RGSL1: variants seen among roughly 807,000 people sequenced by gnomAD.
RGSL1 encodes the protein regulator of G protein signaling protein-like.
Under a neutral mutation model 124.7 loss-of-function variants are expected in RGSL1, and 97 were observed. The observed-to-expected ratio is 0.78, with a 90% CI of 0.66 to 0.92. The LOEUF is 0.92. Ranked by LOEUF, RGSL1 falls within the 40% of genes least tolerant of loss-of-function variation. RGSL1 has a pLI of 0.00. For missense variants in RGSL1, 1,233 were observed against 1,288.4 expected, an observed-to-expected ratio of 0.96 and a Z score of 0.66; for synonymous variants, 424 against 438.1, an observed-to-expected ratio of 0.97 and a Z score of 0.40.
chr1:182,469,863 T>G (rs1653677699), intron 4 of RGSL1, among the ~76,000 whole-genome samples: 1 of 152,118 alleles, frequency 6.6e-6, no homozygotes, highest in Non-Finnish European at 1.5e-5. Context: ...GACTACAACA[T>G]GAATAAATCC....
Position 182,493,129 on chromosome 1 carries a change from G to T in RGSL1, c.1825G>T (p.Asp609Tyr), listed in dbSNP as rs755946198. The stretch of plus-strand genomic sequence containing the variant: ...ATACTGTGAGAAAGCACCTAAAATA[G>T]GCAAGTGTTTAAAATCAGGGATAGA... ...KIYCEKAPKIDFKMEIIKETK... is the reference protein window; with the variant it reads ...KIYCEKAPKIYFKMEIIKETK... Residue 609 changes from aspartate (D) to tyrosine (Y), a missense_variant and splice_region_variant, in exon 9 of 22, where the codon GAT (aspartate) becomes TAT (tyrosine). Physicochemically the swap from Asp to Tyr is radical, Grantham distance 160 (BLOSUM62 -3). Transcript: ENST00000294854. 3 of 1,540,186 alleles carry T rather than the reference G, an allele frequency of 1.9e-6. No homozygotes were observed. The highest frequency in any genetic ancestry group is 2.4e-5 in the South Asian group (2 of 83,694).
chr1:182,453,660 A>G (rs185600551), intron 1 of RGSL1: 44 of 254,388 alleles, frequency 1.7e-4, no homozygotes, highest in Admixed American at 5.4e-4. Context: ...TTTTACATAC[A>G]TAAGATAAAG....
Position 182,527,734 on chromosome 1 carries a change from A to C in RGSL1, c.2087A>C (p.Asn696Thr). 1 of 1,551,054 alleles carries C rather than the reference A, an allele frequency of 6.4e-7. No homozygotes were observed. The highest frequency in any genetic ancestry group is 2.4e-5 in the East Asian group (1 of 40,904). The change falls in exon 11 of 22, where the codon AAT becomes ACT. Residue 696 changes from asparagine to threonine, a missense_variant. By Grantham distance (65) the Asn-to-Thr change is moderately conservative. Transcript: ENST00000294854. ...AAGATTTGCAAGTCTCTCATAGAAA[A>C]TGTAATCAAGACTTTCTTCCAAGGC... The part of the protein sequence containing the change: ...NEKICKSLIE[N>T]VIKTFFQGQL...
At chr1:182,546,498 A>T (rs2102315745) in intron 15 of RGSL1, among the ~76,000 whole-genome samples, 1 of 152,228 alleles carries the variant, frequency 6.6e-6, no homozygotes, top group African/African-American at 2.4e-5. Context: ...GGTTCAAGCG[A>T]TTCTCTTGCC....
rs34319448 is a variant in RGSL1 at position 182,473,975 on chromosome 1, G to A, written c.864G>A (p.Val288=). 2.2e-3 allele frequency: 3,424 copies of A among 1,551,930 alleles called. 47 individuals carry two copies. The African/African-American group carries it at 0.038, about 17-fold the overall frequency. ...PLQETCPQEK[V]VIQMPSLKMA... is the part of the protein sequence containing the mutation. ...AGGAGACATGTCCTCAAGAGAAGGT[G>A]GTTATACAAATGCCTTCCCTGAAAA... is the stretch of plus-strand genomic sequence containing the variant. Residue 288 remains valine (V), a synonymous_variant, in exon 6 of 22, where the codon GTG becomes GTA. Transcript: ENST00000294854.
intron 9 of RGSL1, 135 bp downstream of exon 9, chr1:182,493,264 A>AG: frequency 1.6e-6 from 1 of 638,042 alleles, no homozygotes; most frequent in Non-Finnish European, 2.7e-6. Flanking sequence ...AGAGGTGGTT[A>AG]GGGGGTAATG....
In RGSL1 at chr1:182,543,952, A is replaced by G. The variant is rs115027772; in HGVS notation, c.2669+3531A>G. Reference sequence around the variant, plus strand: ...ATTTTGTTTATATTTTTAGAAAACTAACTTTTTGTTTCATTAATCTTCTGT... The same window carrying G: ...ATTTTGTTTATATTTTTAGAAAACTGACTTTTTGTTTCATTAATCTTCTGT... On this transcript the variant is annotated intron_variant, in intron 15 of 21. Transcript: ENST00000294854. Among the ~76,000 whole-genome samples the G allele has an allele frequency of 7.7e-3, 1,171 of 152,104 alleles. 21 individuals are homozygous for G. The highest frequency in any genetic ancestry group is 0.027 in the African/African-American group (1,119 of 41,552).
chr1:182,512,783 T>C (rs491157), intron 9 of RGSL1, among the ~76,000 whole-genome samples: 127,525 of 152,196 alleles, frequency 0.84, 53,733 homozygotes, highest in Non-Finnish European at 0.87. Context: ...GCAGAATGGA[T>C]GCGGAGCTGA....
intron 6 of RGSL1, among the ~76,000 whole-genome samples, chr1:182,475,296 A>C (rs1254698677): frequency 6.6e-6 from 1 of 152,248 alleles, no homozygotes; most frequent in African/African-American, 2.4e-5. Context: ...GATAAAAGCA[A>C]GAGAATACTC....
At chr1:182,535,336 C>G (rs948998825) in intron 14 of RGSL1, among the ~76,000 whole-genome samples, 3 of 152,172 alleles carry the variant, frequency 2.0e-5, no homozygotes, top group Non-Finnish European at 4.4e-5. Flanking sequence ...AACTTCCACT[C>G]CATTAATCTT....
At chr1:182,511,592 T>G (rs956989921) in intron 9 of RGSL1, among the ~76,000 whole-genome samples, 5 of 152,256 alleles carry the variant, frequency 3.3e-5, no homozygotes, top group African/African-American at 1.2e-4. Context: ...CTGGGCTCTG[T>G]GTTCTGTCCC....
At chr1:182,475,557 G>C (rs1019559525) in intron 6 of RGSL1, among the ~76,000 whole-genome samples, 1 of 152,182 alleles carries the variant, frequency 6.6e-6, no homozygotes, top group African/African-American at 2.4e-5. Context: ...AGAACCAGGA[G>C]AGAAAGAGCT....
At chr1:182,546,756 A>T (rs749097748) in intron 15 of RGSL1, among the ~76,000 whole-genome samples, 8 of 152,240 alleles carry the variant, frequency 5.3e-5, no homozygotes, top group East Asian at 1.9e-4. Flanking sequence ...ACTTGTTTTC[A>T]TAGAAATAAT....
chr1:182,507,938 A>G (rs971776037), intron 9 of RGSL1, among the ~76,000 whole-genome samples: 2 of 152,038 alleles, frequency 1.3e-5, no homozygotes, highest in African/African-American at 2.4e-5. Flanking sequence ...CCCGGGCTCA[A>G]ACAATCCACC....
At chr1:182,500,486 T>C (rs1402963889) in intron 9 of RGSL1, among the ~76,000 whole-genome samples, 1 of 152,226 alleles carries the variant, frequency 6.6e-6, no homozygotes, top group Non-Finnish European at 1.5e-5. Context: ...TTTTGCTATT[T>C]GGGATAGCTT....
chr1:182,540,423 T>A lies in RGSL1; in HGVS notation c.2669+2T>A. 6.5e-7 allele frequency: 1 copy of A among 1,549,396 alleles called. No homozygotes were observed. The highest frequency in any genetic ancestry group is 8.7e-7 in the Non-Finnish European group (1 of 1,145,736). Reference sequence around the variant, plus strand: ...ATATTTCTTTTCTGAAATGGAGAAGTAAGTTTTCCACTTCTCCTTCTTCTG... The same window carrying A: ...ATATTTCTTTTCTGAAATGGAGAAGAAAGTTTTCCACTTCTCCTTCTTCTG... On this transcript the variant is annotated splice_donor_variant, in intron 15 of 21. Transcript: ENST00000294854. LOFTEE classifies it high-confidence loss of function.
At chr1:182,528,087 T>A (rs1052773021) in intron 11 of RGSL1, among the ~76,000 whole-genome samples, 1 of 152,044 alleles carries the variant, frequency 6.6e-6, no homozygotes, top group Non-Finnish European at 1.5e-5. Context: ...AGGAAACTTA[T>A]AATCATGGCA....
intron 15 of RGSL1, among the ~76,000 whole-genome samples, chr1:182,542,174 G>A (rs1659933285): frequency 6.6e-6 from 1 of 152,090 alleles, no homozygotes. Flanking sequence ...TTTCCCCAAT[G>A]TTTTCTTCCA....
intron 10 of RGSL1, among the ~76,000 whole-genome samples, chr1:182,526,431 G>A (rs887340314): frequency 2.0e-5 from 3 of 152,136 alleles, no homozygotes; most frequent in Non-Finnish European, 4.4e-5. Context: ...ACTATGGGAA[G>A]CTGAGGTAGG....
Sources: gnomAD v4.1 joint callset for allele counts (sites outside exome capture counted in the v4.1 genomes callset) on GRCh38, gnomAD v4.1.1 for gene constraint, MANE v1.5 for transcripts, NCBI Gene and HGNC (gene_info 2026-07-23, HGNC 2026-07-21) for gene names.